Variants in PIR observed in about 807,000 individuals in gnomAD.
PIR encodes the protein pirin, also known as pirin (iron-binding nuclear protein).
Under a neutral mutation model 24.2 loss-of-function variants are expected in PIR, and 22 were observed. That is an observed-to-expected ratio of 0.91 (90% CI 0.65 to 1.30). The LOEUF (loss-of-function observed/expected upper bound fraction) is 1.30, where lower values mean the gene tolerates loss of function less well. PIR is among the 50% of genes most tolerant of loss of function. The pLI is 0.00. For missense variants in PIR, 220 were observed against 220.3 expected, an observed-to-expected ratio of 1.00 and a Z score of 0.01; for synonymous variants, 80 against 79.6, an observed-to-expected ratio of 1.00 and a Z score of -0.03.
chrX:15,418,064 T>C (rs1054271897), intron 6 of PIR, among the ~76,000 whole-genome samples: 19 of 112,092 alleles, frequency 1.7e-4, no homozygotes, highest in African/African-American at 6.1e-4. Flanking sequence ...ATTTTGTTTA[T>C]TGATCTACAT....
chrX:15,456,134 A>G, intron 4 of PIR, 80 bp from the exon 5 acceptor site: 3 of 787,829 alleles, frequency 3.8e-6, no homozygotes, highest in Non-Finnish European at 3.8e-6. Flanking sequence ...CAACACCATC[A>G]CTAAGTGAGA....
At chrX:15,481,388 A>G (rs1335453638) in intron 2 of PIR, among the ~76,000 whole-genome samples, 1 of 111,914 alleles carries the variant, frequency 8.9e-6, no homozygotes, top group Admixed American at 9.5e-5. Context: ...ATCAAATTCT[A>G]TGAAGAAAAA....
At chrX:15,440,844 C>A (rs1480150709) in intron 5 of PIR, among the ~76,000 whole-genome samples, 1 of 111,018 alleles carries the variant, frequency 9.0e-6, no homozygotes, top group African/African-American at 3.3e-5. Flanking sequence ...TGTCTCCCCC[C>A]AAGAGAGTGG....
At chrX:15,490,927 G>A (rs1045539283) in intron 2 of PIR, among the ~76,000 whole-genome samples, 1 of 112,343 alleles carries the variant, frequency 8.9e-6, no homozygotes, top group African/African-American at 3.2e-5. Context: ...GAGAGAAGCA[G>A]AGACATTTCC....
intron 5 of PIR, among the ~76,000 whole-genome samples, chrX:15,449,624 C>A (rs892654995): frequency 2.7e-5 from 3 of 111,664 alleles, no homozygotes; most frequent in Non-Finnish European, 3.8e-5. Context: ...AATGGCCATC[C>A]AATGTTTTAA....
rs551971756 is a variant in PIR, at chrX:15,415,019, A to T, written c.566-7469T>A. ...ATTTTCAAGAATAGTCGTTTTTCTA[A>T]CCTATGTACAAAATCTTGGATTTAT... On this transcript the variant is annotated intron_variant, in intron 6 of 9. Transcript: ENST00000380420. Among the ~76,000 whole-genome samples the T allele has an allele frequency of 3.9e-4, 44 of 111,596 alleles. No individual in the cohort carries two copies. In the South Asian group the frequency reaches 0.016, roughly 40 times the overall value.
At chrX:15,479,305 C>T (rs1922371981) in intron 3 of PIR, among the ~76,000 whole-genome samples, 1 of 109,033 alleles carries the variant, frequency 9.2e-6, no homozygotes, top group Non-Finnish European at 1.9e-5. Flanking sequence ...CACATCTGAA[C>T]ATTCTTGGAT....
At chrX:15,467,008 A>G (rs191989275) in intron 3 of PIR, among the ~76,000 whole-genome samples, 7 of 112,601 alleles carry the variant, frequency 6.2e-5, no homozygotes, top group Admixed American at 1.9e-4. Flanking sequence ...TGTAAGCCCC[A>G]TGAAGGCAGG....
chrX:15,402,122 T>C (rs1352231015), intron 7 of PIR, among the ~76,000 whole-genome samples: 2 of 111,642 alleles, frequency 1.8e-5, no homozygotes, highest in African/African-American at 3.3e-5. Flanking sequence ...AAGACCAGCC[T>C]AGGCAACATA....
At chrX:15,451,356 C>T (rs1602277156) in intron 5 of PIR, among the ~76,000 whole-genome samples, 1 of 109,400 alleles carries the variant, frequency 9.1e-6, no homozygotes, top group Admixed American at 9.8e-5. Flanking sequence ...CTTGAAGAAA[C>T]CTGCAAGAAC....
intron 8 of PIR, among the ~76,000 whole-genome samples, chrX:15,395,110 C>G (rs1409969570): frequency 8.9e-6 from 1 of 111,916 alleles, no homozygotes; most frequent in Non-Finnish European, 1.9e-5. Context: ...CCTTCTTTAT[C>G]AAATCCTCAG....
intron 6 of PIR, among the ~76,000 whole-genome samples, chrX:15,409,981 G>A (rs1402495142): frequency 9.1e-6 from 1 of 110,101 alleles, no homozygotes; most frequent in African/African-American, 3.3e-5. Flanking sequence ...GGTTGGGCAC[G>A]GTCACTCACG....
At chrX:15,396,965 T>C (rs4830944) in intron 8 of PIR, among the ~76,000 whole-genome samples, 54,092 of 110,555 alleles carry the variant, frequency 0.49, 9,893 homozygotes, top group Non-Finnish European at 0.59. Context: ...TGGTCTCGAT[T>C]TCCTGACATC....
At chrX:15,425,657 G>A (rs929115896) in intron 6 of PIR, among the ~76,000 whole-genome samples, 3 of 111,256 alleles carry the variant, frequency 2.7e-5, no homozygotes, top group Admixed American at 9.5e-5. Flanking sequence ...TGATCCACCC[G>A]CCTCGACTTC....
intron 7 of PIR, among the ~76,000 whole-genome samples, chrX:15,405,393 G>A (rs1602248744): frequency 8.9e-6 from 1 of 112,219 alleles, no homozygotes; most frequent in East Asian, 2.8e-4. Flanking sequence ...ATCATCTGTG[G>A]CCGCTTCTGT....
chrX:15,415,339 T>C (rs894718117), intron 6 of PIR, among the ~76,000 whole-genome samples: 6 of 111,895 alleles, frequency 5.4e-5, no homozygotes, highest in African/African-American at 3.2e-5. Flanking sequence ...ATTTAATAAA[T>C]GTTAGCTATA....
intron 5 of PIR, among the ~76,000 whole-genome samples, chrX:15,439,425 A>G (rs1335128028): frequency 8.9e-6 from 1 of 112,556 alleles, no homozygotes; most frequent in Non-Finnish European, 1.9e-5. Flanking sequence ...GTTTTATTTT[A>G]CTTTTTAAAT....
At chrX:15,465,657 G>A (rs1921536156) in intron 3 of PIR, among the ~76,000 whole-genome samples, 1 of 111,693 alleles carries the variant, frequency 9.0e-6, no homozygotes, top group Admixed American at 9.5e-5. Context: ...TCTTTCCGTG[G>A]GTCTTTACTA....
intron 5 of PIR, among the ~76,000 whole-genome samples, chrX:15,448,927 T>G (rs1926194667): frequency 8.9e-6 from 1 of 112,477 alleles, no homozygotes; most frequent in Non-Finnish European, 1.9e-5. Flanking sequence ...AGCTAGACTG[T>G]GAGCATTTTT....
Sources: allele counts gnomAD v4.1 joint callset (sites outside exome capture counted in the v4.1 genomes callset), GRCh38; gene constraint gnomAD v4.1.1; transcripts MANE v1.5; gene names NCBI Gene and HGNC (gene_info 2026-07-23, HGNC 2026-07-21).